QDPR: variants seen among roughly 807,000 people sequenced by gnomAD.
The protein encoded by QDPR is dihydropteridine reductase.
In QDPR, 23 loss-of-function variants were observed where a neutral mutation model predicts 31.7. That is an observed-to-expected ratio of 0.73 (90% confidence interval 0.52 to 1.03). The LOEUF is 1.03. Among genes scored for constraint, QDPR ranks in the 50% least tolerant of loss-of-function variants. The probability of loss-of-function intolerance (pLI) is 0.00; values close to 1 mark genes in which losing one functional copy is unlikely to be tolerated. For missense variants in QDPR, 324 were observed against 323.8 expected (o/e 1.00, Z 0.00); for synonymous variants, 124 against 124.7 (o/e 0.99, Z 0.03).
At chr4:17,493,809 AAAGTTCTAACCTCC>A in intron 4 of QDPR, among the ~76,000 whole-genome samples, 1 of 152,236 alleles carries the variant, frequency 6.6e-6, no homozygotes, top group African/African-American at 2.4e-5. Flanking sequence ...GGTGGAGCTG[AAAGTTCTAACCTCC>A]TAATTGCTTG....
chr4:17,511,413 G>C (rs1392382780), intron 1 of QDPR, among the ~76,000 whole-genome samples: 2 of 152,232 alleles, frequency 1.3e-5, no homozygotes, highest in East Asian at 3.8e-4. Context: ...GGTAGTAATA[G>C]TAACATTAAT....
chr4:17,491,321 C>A (rs747261233), intron 5 of QDPR, among the ~76,000 whole-genome samples: 11 of 152,144 alleles, frequency 7.2e-5, no homozygotes, highest in Non-Finnish European at 1.5e-4. Context: ...AATCACAGAA[C>A]CTCACAACTA....
At chr4:17,511,403 G>A (rs1168883042) in intron 1 of QDPR, among the ~76,000 whole-genome samples, 1 of 152,176 alleles carries the variant, frequency 6.6e-6, no homozygotes, top group Non-Finnish European at 1.5e-5. Flanking sequence ...AACAGGGGTG[G>A]GTAGTAATAG....
intron 2 of QDPR, among the ~76,000 whole-genome samples, chr4:17,507,795 G>T (rs1429286198): frequency 6.6e-6 from 1 of 151,924 alleles, no homozygotes; most frequent in East Asian, 1.9e-4. Flanking sequence ...GTAGAGACGG[G>T]GTTTCACCAT....
At chr4:17,496,442 C>CAAAAAAAAAAAAAAAAAAAAA (rs747311750) in intron 4 of QDPR, among the ~76,000 whole-genome samples, 9 of 64,618 alleles carry the variant, frequency 1.4e-4, no homozygotes, top group Non-Finnish European at 2.0e-4. Context: ...AAAACTGTCT[C>CAAAAAAAAAAAAAAAAAAAAA]AAAAAAAAAA....
At chr4:17,501,964 C>T (rs748202862) in intron 3 of QDPR, 105 bp from the exon 4 acceptor site, 1 of 1,422,402 alleles carries the variant, frequency 7.0e-7, no homozygotes, top group Non-Finnish European at 9.8e-7. Flanking sequence ...TCCTGGTCCC[C>T]AGGTCCCTAT....
intron 2 of QDPR, among the ~76,000 whole-genome samples, chr4:17,507,985 G>A (rs898578872): frequency 2.2e-4 from 33 of 152,190 alleles, no homozygotes; most frequent in Admixed American, 2.2e-3. Context: ...ATGATGGGGA[G>A]AAAAGGGACA....
At chr4:17,495,418 C>A (rs868843737) in intron 4 of QDPR, among the ~76,000 whole-genome samples, 2 of 152,160 alleles carry the variant, frequency 1.3e-5, no homozygotes, top group Admixed American at 6.6e-5. Context: ...CTCCCAGGAA[C>A]GGCACAGCAC....
chr4:17,506,293 CT>C (rs1452868016), intron 2 of QDPR, among the ~76,000 whole-genome samples: 3 of 152,058 alleles, frequency 2.0e-5, no homozygotes, highest in Non-Finnish European at 4.4e-5. Flanking sequence ...CCACATTCAG[CT>C]AATTTTTGTA....
In QDPR at chr4:17,496,232, G is replaced by A. The variant is rs182674526; in HGVS notation, c.437-3892C>T. Among the ~76,000 whole-genome samples the A allele has an allele frequency of 4.3e-3, 655 of 151,804 alleles. 6 individuals carry two copies. The highest frequency in any genetic ancestry group is 0.015 in the African/African-American group (630 of 41,460). Reference sequence around the variant, plus strand: ...AGGCCAAGGCAGGTGGATCACCTGAGGTCAGAAGTTCAAGACCAGCCTGAC... The same window carrying A: ...AGGCCAAGGCAGGTGGATCACCTGAAGTCAGAAGTTCAAGACCAGCCTGAC... On this transcript the variant is annotated intron_variant, in intron 4 of 6. Transcript: ENST00000281243.
Position 17,492,229 on chromosome 4 carries a change from T to C in QDPR, c.545+3A>G. On this transcript the variant is annotated splice_donor_region_variant and intron_variant, in intron 5 of 6. Coordinates refer to ENST00000281243, the MANE Select transcript of QDPR (RefSeq NM_000320.3). ...CAGCAGCCAGGGAACCCCAAGCACT[T>C]ACGGGAGCACAGCGATGGCGGCTGC... is the stretch of plus-strand genomic sequence containing the variant. The C allele has an allele frequency of 6.2e-7, 1 of 1,613,208 alleles. No homozygotes were observed. The highest frequency in any genetic ancestry group is 8.5e-7 in the Non-Finnish European group (1 of 1,179,490).
chr4:17,509,052 G>A (rs1478693283), intron 2 of QDPR, among the ~76,000 whole-genome samples: 2 of 152,264 alleles, frequency 1.3e-5, no homozygotes, highest in African/African-American at 2.4e-5. Context: ...CAGCTACTCA[G>A]GAGGCTGAGG....
chr4:17,506,887 T>C (rs1406704201), intron 2 of QDPR, among the ~76,000 whole-genome samples: 2 of 152,306 alleles, frequency 1.3e-5, no homozygotes, highest in East Asian at 1.9e-4. Flanking sequence ...AAAGAGCAAA[T>C]GAGTAGCAGA....
At chr4:17,504,562 C>T in intron 2 of QDPR, 87 bp from the exon 3 acceptor site, 2 of 1,135,272 alleles carry the variant, frequency 1.8e-6, no homozygotes, top group South Asian at 2.5e-5. Flanking sequence ...TTCTTTTTCT[C>T]TTCTTTTTAA....
intron 3 of QDPR, among the ~76,000 whole-genome samples, chr4:17,503,707 T>G (rs1299300272): frequency 6.6e-6 from 1 of 152,176 alleles, no homozygotes; most frequent in Non-Finnish European, 1.5e-5. Context: ...CCCAGCACTT[T>G]GGGAGGCTGA....
chr4:17,492,132 A>G, intron 5 of QDPR, 100 bp downstream of exon 5: 2 of 886,058 alleles, frequency 2.3e-6, no homozygotes, highest in Non-Finnish European at 3.7e-6. Flanking sequence ...CAGAGGTGAG[A>G]GCACACCCAG....
Position 17,504,449 on chromosome 4 carries a change from C to T in QDPR, c.225G>A (p.Leu75=). The T allele has an allele frequency of 6.2e-7, 1 of 1,614,226 alleles. No individual in the cohort carries two copies. Among genetic ancestry groups the T allele is most frequent in the Non-Finnish European group, 8.5e-7 (1 of 1,180,042 alleles). ...DQVTAEVGKL[L]GEEKVDAILC... ...GAATTGCATCCACCTTCTCTTCACC[C>T]AAGAGCTTTCCAACCTCAGCAGTCA... The change falls in exon 3 of 7, where the codon TTG becomes TTA. Residue 75 remains leucine (L), a synonymous_variant. Transcript: ENST00000281243.
intron 2 of QDPR, among the ~76,000 whole-genome samples, chr4:17,507,214 C>T (rs10939729): frequency 0.11 from 16,750 of 152,148 alleles, 1,894 homozygotes; most frequent in East Asian, 0.45. Flanking sequence ...ATCTGGAGAC[C>T]TATGATCCTG....
chr4:17,511,168 A>C (rs1577197074), intron 1 of QDPR, among the ~76,000 whole-genome samples: 2 of 152,284 alleles, frequency 1.3e-5, no homozygotes, highest in Admixed American at 1.3e-4. Flanking sequence ...CTAAGCTCCC[A>C]GAACGCTGCC....
Sources: gnomAD v4.1 joint callset for allele counts (sites outside exome capture counted in the v4.1 genomes callset) on GRCh38, gnomAD v4.1.1 for gene constraint, MANE v1.5 for transcripts, NCBI Gene and HGNC (gene_info 2026-07-23, HGNC 2026-07-21) for gene names.